The following DNAJC2 variants were observed in gnomAD, a reference collection of about 807,000 sequenced individuals.
DNAJC2 encodes DnaJ heat shock protein family (Hsp40) member C2.
In DNAJC2, 32 loss-of-function variants were observed where a neutral mutation model predicts 94.0. That is an observed-to-expected ratio of 0.34 (90% confidence interval 0.26 to 0.46). The LOEUF (loss-of-function observed/expected upper bound fraction) is 0.46. Among genes scored for constraint, DNAJC2 ranks in the 20% least tolerant of loss-of-function variants. DNAJC2 has a pLI of 1.00. For missense variants in DNAJC2, 550 were observed against 719.5 expected, an observed-to-expected ratio of 0.76 and a Z score of 2.69; for synonymous variants, 210 against 229.7, an observed-to-expected ratio of 0.91 and a Z score of 0.77.
At position 103,314,725 on chromosome 7, in the gene DNAJC2, TC is replaced by T. The variant is rs140722944; in HGVS notation, c.1636+1038del. On this transcript the variant is annotated intron_variant, in intron 15 of 16. Transcript: ENST00000379263. ...CTGCTGATTTTTGCAATGATTTTCCTCCCCTATATTAACACTGTAAGTCTCA... is the reference window on the plus strand; with the variant it reads ...CTGCTGATTTTTGCAATGATTTTCCTCCCTATATTAACACTGTAAGTCTCA... 9.3e-4 allele frequency: 787 copies of T among 845,384 alleles called. 6 individuals are homozygous for T. In the African/African-American group the frequency reaches 0.014, roughly 15 times the overall value. The allele number at this position is 845,384 out of a possible 1,614,324, so 52.4% of individuals were successfully genotyped here.
At chr7:103,314,651 AC>A in intron 15 of DNAJC2, 2 of 985,348 alleles carry the variant, frequency 2.0e-6, no homozygotes, top group Non-Finnish European at 2.4e-6. Flanking sequence ...CTTGTTACTT[AC>A]CTTTATTAAA....
At chr7:103,320,969 A>AGG (rs1179133862) in intron 10 of DNAJC2, 1 of 153,482 alleles carries the variant, frequency 6.5e-6, no homozygotes, top group African/African-American at 2.4e-5. Flanking sequence ...AGTCCAAGGC[A>AGG]GGGGGATCAC....
At chr7:103,340,711 AGC>A (rs1819342815) in intron 2 of DNAJC2, among the ~76,000 whole-genome samples, 1 of 152,238 alleles carries the variant, frequency 6.6e-6, no homozygotes, top group Non-Finnish European at 1.5e-5. Context: ...TACCTACTAA[AGC>A]ATTATCTATT....
intron 12 of DNAJC2, among the ~76,000 whole-genome samples, chr7:103,318,019 G>A (rs1035902572): frequency 6.6e-5 from 10 of 152,118 alleles, no homozygotes; most frequent in Non-Finnish European, 2.9e-5. Context: ...ATCCACAAAC[G>A]TCAGATTAGT....
intron 2 of DNAJC2, among the ~76,000 whole-genome samples, chr7:103,339,844 G>A (rs763730618): frequency 2.0e-5 from 3 of 148,458 alleles, no homozygotes; most frequent in East Asian, 2.0e-4. Flanking sequence ...CTCTTCCCAC[G>A]CCCCTTTTTT....
In DNAJC2 at chr7:103,316,862, AGCTT is replaced by A. The variant is rs1451565934; in HGVS notation, c.1391_1394del (p.Lys464MetfsTer2). ...TTGTTCCAGCAGGGAACAGATTCAC[AGCTT>A]TAATTAGTAATTGTAGATCATCTTC... On this transcript the variant is annotated frameshift_variant, in exon 13 of 17. Coordinates refer to ENST00000379263, the MANE Select transcript of DNAJC2 (RefSeq NM_014377.3). LOFTEE classifies it high-confidence loss of function. 1.2e-6 allele frequency: 2 copies of A among 1,613,886 alleles called. No homozygotes were observed. Among genetic ancestry groups the A allele is most frequent in the African/African-American group, 2.7e-5 (2 of 74,932 alleles).
chr7:103,314,847 A>G (rs922736355), intron 15 of DNAJC2, among the ~76,000 whole-genome samples: 8 of 152,224 alleles, frequency 5.3e-5, no homozygotes, highest in African/African-American at 1.9e-4. Context: ...TGTATAGTCA[A>G]GTCTATTAAT....
At chr7:103,332,041 G>A (rs1818995873) in intron 3 of DNAJC2, among the ~76,000 whole-genome samples, 2 of 144,010 alleles carry the variant, frequency 1.4e-5, no homozygotes, top group Admixed American at 7.1e-5. Flanking sequence ...GTCTTGCTCT[G>A]TCACCCAGGT....
intron 3 of DNAJC2, among the ~76,000 whole-genome samples, chr7:103,332,065 T>C: frequency 6.6e-6 from 1 of 151,610 alleles, no homozygotes; most frequent in East Asian, 1.9e-4. Flanking sequence ...AGTGCAGTGG[T>C]GCAGTCTTGG....
At chr7:103,327,312 T>A (rs1326990423) in intron 4 of DNAJC2, 1 of 1,234,534 alleles carries the variant, frequency 8.1e-7, no homozygotes. Context: ...AGTATTCTCA[T>A]CATTAAATAG....
intron 1 of DNAJC2, 193 bp downstream of exon 1, chr7:103,344,366 C>A: frequency 1.6e-6 from 1 of 614,844 alleles, no homozygotes; most frequent in Non-Finnish European, 2.8e-6. Context: ...GAAGGCACCC[C>A]TCACCCTCCT....
At chr7:103,318,170 T>C (rs79934355) in intron 12 of DNAJC2, among the ~76,000 whole-genome samples, 1 of 151,246 alleles carries the variant, frequency 6.6e-6, no homozygotes, top group African/African-American at 2.4e-5. Flanking sequence ...ATTTTTTTTT[T>C]GTCTGTTTTT....
rs139322619 is a variant in DNAJC2 at position 103,324,228 on chromosome 7, A to AAT, written c.653+252_653+253dup. On this transcript the variant is annotated intron_variant, in intron 6 of 16. Transcript: ENST00000379263. ...AAGTACTTTTAGTAGGAAGTAACTA[A>AAT]ATAAAAATGTACTTATTTTTATTCA... Among the ~76,000 whole-genome samples, 574 of 152,340 alleles carry AAT rather than the reference A, an allele frequency of 3.8e-3. 4 individuals carry two copies. Among genetic ancestry groups the AAT allele is most frequent in the African/African-American group, 0.014 (565 of 41,568 alleles).
In DNAJC2 at chr7:103,316,901, T is replaced by G; in HGVS notation, c.1356A>C (p.Lys452Asn). Residue 452 changes from lysine to asparagine, a missense_variant, in exon 13 of 17, where the codon AAA becomes AAC. This residue lies in a region of DNAJC2 where 271 missense variants were observed against 302.6 expected (regional missense o/e 0.90). Coordinates refer to ENST00000379263, the MANE Select transcript of DNAJC2 (RefSeq NM_014377.3). Reference protein sequence around the residue: ...KSTGGGGNGSKNWSEDDLQLL... With the variant: ...KSTGGGGNGSNNWSEDDLQLL... ...ATTGTAGATCATCTTCTGACCAATT[T>G]TTACTTCCATTTCCACCTCCACCAG... 1 of 1,614,068 alleles carries G rather than the reference T, an allele frequency of 6.2e-7. No homozygotes were observed. Among genetic ancestry groups the G allele is most frequent in the Non-Finnish European group, 8.5e-7 (1 of 1,180,000 alleles).
At chr7:103,324,826 C>G (rs1818616856) in intron 5 of DNAJC2, 1 of 221,768 alleles carries the variant, frequency 4.5e-6, no homozygotes, top group East Asian at 1.1e-4. Context: ...ATCTTCAGTT[C>G]TATAAAATAC....
At chr7:103,343,837 G>A (rs1373862882) in intron 1 of DNAJC2, among the ~76,000 whole-genome samples, 2 of 152,150 alleles carry the variant, frequency 1.3e-5, no homozygotes, top group Admixed American at 6.5e-5. Flanking sequence ...AGTTGTAAGA[G>A]GCACACGGAG....
Position 103,316,987 on chromosome 7 carries a change from T to C in DNAJC2, c.1270A>G (p.Lys424Glu). ...QIEEINEQIR[K>E]EKEEAEARMR... ...CGAGCCTCAGCTTCCTCTTTCTCTT[T>C]TCTGATTTGCTCATTTATTTCTTCT... The change falls in exon 13 of 17, where the codon AAA becomes GAA. Residue 424 changes from lysine (K) to glutamate (E), a missense_variant. Lys to Glu is a moderately conservative substitution (Grantham distance 56). Transcript: ENST00000379263. 1 of 1,613,722 alleles carries C rather than the reference T, an allele frequency of 6.2e-7. No homozygotes were observed. The highest frequency in any genetic ancestry group is 1.3e-5 in the African/African-American group (1 of 75,006).
At position 103,326,563 on chromosome 7, in the gene DNAJC2, T is replaced by A. The variant is rs1328675183; in HGVS notation, c.552A>T (p.Pro184=). ...AKDNFFEVFT[P]VFERNSRWSN... ...CTTACCTGGAATTCCTTTCAAACAC[T>A]GGGGTAAACACTTCGAAGAAATTAT... Residue 184 remains proline (P), a synonymous_variant, in exon 5 of 17, where the codon CCA becomes CCT. Coordinates refer to ENST00000379263, the MANE Select transcript of DNAJC2 (RefSeq NM_014377.3). 1 of 1,613,828 alleles carries A rather than the reference T, an allele frequency of 6.2e-7. No individual in the cohort carries two copies. The highest frequency in any genetic ancestry group is 8.5e-7 in the Non-Finnish European group (1 of 1,179,920).
At chr7:103,319,146 AAAC>A (rs1293340396) in intron 12 of DNAJC2, among the ~76,000 whole-genome samples, 1 of 152,082 alleles carries the variant, frequency 6.6e-6, no homozygotes, top group Non-Finnish European at 1.5e-5. Context: ...TCAAAAACAA[AAAC>A]AAAAACAGGC....
Sources: allele counts gnomAD v4.1 joint callset (sites outside exome capture counted in the v4.1 genomes callset), GRCh38; gene constraint gnomAD v4.1.1; regional missense constraint gnomAD v4.1.1; transcripts MANE v1.5; gene names NCBI Gene and HGNC (gene_info 2026-07-23, HGNC 2026-07-21).